Variants in ATP2B2 observed in about 807,000 individuals in gnomAD.
ATP2B2 encodes ATPase plasma membrane Ca2+ transporting 2.
ATP2B2 carries 15 observed loss-of-function variants against 120.0 expected under a neutral mutation model. The observed-to-expected ratio is 0.12, with a 90% CI of 0.08 to 0.19. ATP2B2 has a LOEUF of 0.19. Ranked by LOEUF, ATP2B2 falls within the 10% of genes least tolerant of loss-of-function variation. ATP2B2 has a pLI of 1.00. For missense variants in ATP2B2, 1,045 were observed against 1,719.8 expected, an observed-to-expected ratio of 0.61 and a Z score of 6.94; for synonymous variants, 694 against 700.3, an observed-to-expected ratio of 0.99 and a Z score of 0.14.
chr3:10,616,786 A>G (rs1406615607), intron 2 of ATP2B2, among the ~76,000 whole-genome samples: 1 of 152,200 alleles, frequency 6.6e-6, no homozygotes, highest in Non-Finnish European at 1.5e-5. Context: ...GGGGAAATTT[A>G]GAAAGTGCAG....
At chr3:10,671,295 G>A (rs560729500) in intron 1 of ATP2B2, among the ~76,000 whole-genome samples, 10 of 152,342 alleles carry the variant, frequency 6.6e-5, no homozygotes, top group African/African-American at 2.4e-4. Context: ...TTCCAGTTCA[G>A]CTATCGACTG....
intron 3 of ATP2B2, among the ~76,000 whole-genome samples, chr3:10,520,736 G>A (rs933300526): frequency 4.6e-5 from 7 of 150,724 alleles, no homozygotes; most frequent in Admixed American, 1.3e-4. Context: ...GATTACAGGC[G>A]TGAGCCACCA....
chr3:10,561,785 C>T (rs1044763047), intron 2 of ATP2B2, among the ~76,000 whole-genome samples: 6 of 152,168 alleles, frequency 3.9e-5, no homozygotes, highest in Non-Finnish European at 1.5e-5. Flanking sequence ...TTGCCTTCCG[C>T]CATGATTGTG....
At chr3:10,501,206 C>T (rs1440007949) in intron 1 of ATP2B2, among the ~76,000 whole-genome samples, 3 of 152,124 alleles carry the variant, frequency 2.0e-5, no homozygotes, top group Non-Finnish European at 2.9e-5. Context: ...GCAGAGATTT[C>T]CTAGACTGTG....
upstream of ATP2B2, among the ~76,000 whole-genome samples, chr3:10,507,975 G>A (rs563347926): frequency 4.6e-5 from 7 of 152,180 alleles, no homozygotes; most frequent in South Asian, 4.2e-4. Context: ...CCTGACACTC[G>A]TCCGCTCCCA....
chr3:10,341,153 G>T (rs1006672070), intron 19 of ATP2B2, among the ~76,000 whole-genome samples: 1 of 152,108 alleles, frequency 6.6e-6, no homozygotes, highest in East Asian at 1.9e-4. Context: ...GCTGTTACTA[G>T]AGATGCCAAT....
intron 2 of ATP2B2, among the ~76,000 whole-genome samples, chr3:10,549,179 G>A (rs568646509): frequency 7.9e-5 from 12 of 152,320 alleles, no homozygotes; most frequent in African/African-American, 2.9e-4. Context: ...GGAGGTGCCT[G>A]AGCCATGTGG....
Position 10,386,497 on chromosome 3 carries a change from T to C in ATP2B2, c.923A>G (p.Asp308Gly), listed in dbSNP as rs768532843. ...TACTGTACCTGGTAGCTGAAGGCCA[T>C]CCCCCTTCTTCACACCTGTGTGATG... ...KKDKKGVKKG[D>G]GLQLPAADGA... The change falls in exon 7 of 23, where the codon GAT becomes GGT. Residue 308 changes from aspartate (D) to glycine (G), a missense_variant. By Grantham distance (94) the Asp-to-Gly change is moderately conservative (BLOSUM62 -1). Coordinates refer to ENST00000360273, the MANE Select transcript of ATP2B2 (RefSeq NM_001001331.4). The C allele has an allele frequency of 6.2e-7, 1 of 1,614,092 alleles. No homozygotes were observed. The highest frequency in any genetic ancestry group is 1.3e-5 in the African/African-American group (1 of 75,014).
chr3:10,443,517 G>T (rs142900148), intron 2 of ATP2B2, among the ~76,000 whole-genome samples: 1 of 152,202 alleles, frequency 6.6e-6, no homozygotes, highest in African/African-American at 2.4e-5. Context: ...CCTGGCTGCC[G>T]CATTGACCGG....
At chr3:10,333,436 A>G (rs2060034911) in intron 22 of ATP2B2, among the ~76,000 whole-genome samples, 1 of 152,116 alleles carries the variant, frequency 6.6e-6, no homozygotes, top group African/African-American at 2.4e-5. Context: ...GGAGGAAAGC[A>G]CACTGGCTTC....
In ATP2B2 at chr3:10,329,184, GGCTCACAGGAGGGGC is replaced by G; in HGVS notation, c.3421-74_3421-60del. 1 of 1,523,980 alleles carries G rather than the reference GGCTCACAGGAGGGGC, an allele frequency of 6.6e-7. No homozygotes were observed. Among genetic ancestry groups the G allele is most frequent in the Non-Finnish European group, 9.0e-7 (1 of 1,111,156 alleles). The allele number at this position is 1,523,980 out of a possible 1,614,324, so 94.4% of individuals were successfully genotyped here. A position where few individuals can be genotyped will look rare whatever the true frequency, so the allele number is the denominator to read the frequency against. On this transcript the variant is annotated intron_variant, in intron 22 of 22. Coordinates refer to ENST00000360273, the MANE Select transcript of ATP2B2 (RefSeq NM_001001331.4). The surrounding 1 kb of genome is among the most constrained non-coding windows in gnomAD (Gnocchi z 5.9). Reference sequence around the variant, plus strand: ...CCAGGGACCACAGCCAGGCTCGGGGGGCTCACAGGAGGGGCGGGTGGGAGAAGGGTTAGGGCAAAG... The same window carrying G: ...CCAGGGACCACAGCCAGGCTCGGGGGGGGTGGGAGAAGGGTTAGGGCAAAG...
At chr3:10,448,013 A>G (rs1274342319) in intron 2 of ATP2B2, among the ~76,000 whole-genome samples, 1 of 152,208 alleles carries the variant, frequency 6.6e-6, no homozygotes, top group African/African-American at 2.4e-5. Context: ...GACAGCTGGG[A>G]GCTGCTGGGT....
At chr3:10,388,681 C>G (rs1264263267) in intron 5 of ATP2B2, among the ~76,000 whole-genome samples, 1 of 152,192 alleles carries the variant, frequency 6.6e-6, no homozygotes, top group Non-Finnish European at 1.5e-5. Flanking sequence ...GGGTCACTTC[C>G]TCCTTCTGTC....
intron 2 of ATP2B2, among the ~76,000 whole-genome samples, chr3:10,541,378 T>C (rs35744784): frequency 1.3e-5 from 2 of 152,140 alleles, no homozygotes. Context: ...ATTTCAGAAT[T>C]CTTTATTTGC....
At chr3:10,462,040 T>C (rs564212126) in intron 1 of ATP2B2, among the ~76,000 whole-genome samples, 1 of 152,230 alleles carries the variant, frequency 6.6e-6, no homozygotes, top group East Asian at 1.9e-4. Flanking sequence ...TAACTGTAGG[T>C]TTCCCCATGG....
At chr3:10,585,006 A>G (rs1369458312) in intron 2 of ATP2B2, among the ~76,000 whole-genome samples, 1 of 151,956 alleles carries the variant, frequency 6.6e-6, no homozygotes, top group Non-Finnish European at 1.5e-5. Flanking sequence ...CCTGAATTGG[A>G]TCTCTTCCTC....
intron 2 of ATP2B2, among the ~76,000 whole-genome samples, chr3:10,565,847 A>G (rs775803420): frequency 6.6e-6 from 1 of 152,190 alleles, no homozygotes; most frequent in Non-Finnish European, 1.5e-5. Flanking sequence ...CCTTCTTACT[A>G]GCTGTGTGGC....
Position 10,431,935 on chromosome 3 carries a change from A to G in ATP2B2, c.199+17410T>C, listed in dbSNP as rs1575206273. Reference sequence around the variant, plus strand: ...AAAGCTATTTATAGCAAAAGATAAAAATAGCTCTTAATGAAAGCATGGTAG... The same window carrying G: ...AAAGCTATTTATAGCAAAAGATAAAGATAGCTCTTAATGAAAGCATGGTAG... On this transcript the variant is annotated intron_variant, in intron 2 of 22. Transcript: ENST00000360273. 2.0e-5 allele frequency among the ~76,000 whole-genome samples: 3 copies of G among 152,198 alleles called. No individual in the cohort carries two copies. The East Asian group carries it at 5.8e-4, about 29-fold the overall frequency.
At chr3:10,534,256 G>A (rs1437109890) in intron 2 of ATP2B2, 1 of 152,482 alleles carries the variant, frequency 6.6e-6, no homozygotes, top group East Asian at 1.9e-4. Flanking sequence ...CTAGGCTAGG[G>A]ATGGGTTTGA....
Sources: gnomAD v4.1 joint callset for allele counts (sites outside exome capture counted in the v4.1 genomes callset) on GRCh38, gnomAD v4.1.1 for gene constraint, Gnocchi (gnomAD v3.1) non-coding constraint, MANE v1.5 for transcripts, NCBI Gene and HGNC (gene_info 2026-07-23, HGNC 2026-07-21) for gene names.